MRPS28: variants seen among roughly 807,000 people sequenced by gnomAD.
MRPS28 encodes the protein small ribosomal subunit protein bS1m.
MRPS28 carries 7 observed loss-of-function variants against 10.8 expected under a neutral mutation model. The ratio of observed to expected loss-of-function variants is 0.65; its 90% CI spans 0.37 to 1.22. The LOEUF (loss-of-function observed/expected upper bound fraction) is 1.22. Among genes scored for constraint, MRPS28 ranks in the 50% most tolerant of loss-of-function variants. The pLI, the probability that MRPS28 is intolerant of heterozygous loss-of-function variation, is 0.02. For missense variants in MRPS28, 265 were observed against 232.9 expected (o/e 1.14, Z -0.90); for synonymous variants, 121 against 93.3 (o/e 1.30, Z -1.71).
chr8:80,029,638 T>C (rs895175787), intron 1 of MRPS28: 11 of 885,542 alleles, frequency 1.2e-5, no homozygotes, highest in Non-Finnish European at 1.7e-5. Context: ...GCAAGCTCCA[T>C]GCTAGAGCTA....
chr8:80,023,943 G>C (rs532269525), intron 1 of MRPS28, among the ~76,000 whole-genome samples: 1 of 152,226 alleles, frequency 6.6e-6, no homozygotes, highest in East Asian at 1.9e-4. Context: ...AAAATGAATG[G>C]GACGGCCTGG....
chr8:80,017,850 A>G (rs1366485354), intron 1 of MRPS28, among the ~76,000 whole-genome samples: 1 of 152,220 alleles, frequency 6.6e-6, no homozygotes, highest in Non-Finnish European at 1.5e-5. Flanking sequence ...GAATATTAGC[A>G]AATCAAATCC....
At chr8:79,954,425 C>T (rs560295152) in intron 2 of MRPS28, among the ~76,000 whole-genome samples, 3 of 152,028 alleles carry the variant, frequency 2.0e-5, no homozygotes, top group Admixed American at 6.6e-5. Flanking sequence ...TATTCTGCAA[C>T]GATTCTGAAA....
At chr8:80,006,690 C>T (rs983577570) in intron 1 of MRPS28, among the ~76,000 whole-genome samples, 1 of 152,046 alleles carries the variant, frequency 6.6e-6, no homozygotes, top group African/African-American at 2.4e-5. Context: ...ATAAATTCCT[C>T]GACACATACA....
At chr8:80,002,759 T>A (rs1348489714) in intron 2 of MRPS28, among the ~76,000 whole-genome samples, 2 of 152,230 alleles carry the variant, frequency 1.3e-5, no homozygotes, top group African/African-American at 4.8e-5. Flanking sequence ...GAATGGCTTA[T>A]TATCAGGATG....
At chr8:80,000,152 T>C (rs567884341) in intron 2 of MRPS28, among the ~76,000 whole-genome samples, 7 of 152,332 alleles carry the variant, frequency 4.6e-5, no homozygotes, top group African/African-American at 7.2e-5. Context: ...CTAGTAAGTA[T>C]TTGTTGAATG....
At chr8:79,983,329 CAG>C (rs1392550714) in intron 2 of MRPS28, among the ~76,000 whole-genome samples, 1 of 152,082 alleles carries the variant, frequency 6.6e-6, no homozygotes, top group Non-Finnish European at 1.5e-5. Flanking sequence ...GGGGAAAAAA[CAG>C]AGCAGAAAAA....
At chr8:79,983,364 C>A (rs538680620) in intron 2 of MRPS28, among the ~76,000 whole-genome samples, 2 of 152,042 alleles carry the variant, frequency 1.3e-5, no homozygotes, top group East Asian at 3.9e-4. Context: ...AAAAGCAGAG[C>A]GCCTCTCCTC....
At chr8:79,933,481 G>A (rs903449013) in intron 2 of MRPS28, among the ~76,000 whole-genome samples, 2 of 152,134 alleles carry the variant, frequency 1.3e-5, no homozygotes, top group Non-Finnish European at 2.9e-5. Flanking sequence ...AATTTTGGGG[G>A]GATAAAACTC....
intron 2 of MRPS28, among the ~76,000 whole-genome samples, chr8:79,986,596 T>C (rs1276997126): frequency 2.0e-5 from 3 of 152,144 alleles, no homozygotes; most frequent in African/African-American, 7.2e-5. Context: ...ACAAAATCAA[T>C]GTGCAAAAAT....
chr8:79,920,736 G>T (rs1222498913), intron 2 of MRPS28, among the ~76,000 whole-genome samples: 2 of 152,138 alleles, frequency 1.3e-5, no homozygotes, highest in Non-Finnish European at 2.9e-5. Flanking sequence ...CATTCTGTAG[G>T]TTACCTCTTC....
At chr8:79,952,963 GAT>G (rs2129976109) in intron 2 of MRPS28, among the ~76,000 whole-genome samples, 1 of 152,276 alleles carries the variant, frequency 6.6e-6, no homozygotes, top group East Asian at 1.9e-4. Flanking sequence ...CATTTTTAGA[GAT>G]AACTTTCAGT....
chr8:80,020,224 C>G (rs1251737762), intron 1 of MRPS28, among the ~76,000 whole-genome samples: 1 of 152,138 alleles, frequency 6.6e-6, no homozygotes, highest in Non-Finnish European at 1.5e-5. Context: ...ATGAAGCGTC[C>G]AGGTAGCAGG....
intron 1 of MRPS28, among the ~76,000 whole-genome samples, chr8:80,027,182 G>C (rs2130258289): frequency 6.6e-6 from 1 of 152,340 alleles, no homozygotes; most frequent in East Asian, 1.9e-4. Context: ...CAGAAGGCTG[G>C]AGAAGAAACG....
intron 1 of MRPS28, among the ~76,000 whole-genome samples, chr8:80,009,622 A>G (rs1808973692): frequency 6.8e-6 from 1 of 146,272 alleles, no homozygotes; most frequent in African/African-American, 2.5e-5. Context: ...CTCAAAAAAG[A>G]AAAAAAAAAG....
intron 1 of MRPS28, among the ~76,000 whole-genome samples, chr8:80,006,371 T>G (rs1808845443): frequency 1.3e-5 from 2 of 152,318 alleles, no homozygotes; most frequent in Non-Finnish European, 2.9e-5. Context: ...AACCTGCTCC[T>G]GAATGACTAC....
intron 2 of MRPS28, among the ~76,000 whole-genome samples, chr8:79,952,036 G>A (rs765932223): frequency 1.3e-4 from 20 of 152,080 alleles, no homozygotes; most frequent in South Asian, 2.1e-4. Flanking sequence ...ACATGACGGC[G>A]CACTTTTAAT....
chr8:80,005,361 A>C (rs11993539), intron 1 of MRPS28, among the ~76,000 whole-genome samples: 16,399 of 151,758 alleles, frequency 0.11, 2,607 homozygotes, highest in African/African-American at 0.36. Context: ...AATTTTCAAC[A>C]CAGAATTTCA....
intron 2 of MRPS28, among the ~76,000 whole-genome samples, chr8:79,973,437 TG>T: frequency 6.6e-6 from 1 of 152,218 alleles, no homozygotes; most frequent in Admixed American, 6.6e-5. Context: ...GAGGCTGAGG[TG>T]GGAGAATCCC....
Sources: gnomAD v4.1 joint callset for allele counts (sites outside exome capture counted in the v4.1 genomes callset) on GRCh38, gnomAD v4.1.1 for gene constraint, MANE v1.5 for transcripts, NCBI Gene and HGNC (gene_info 2026-07-23, HGNC 2026-07-21) for gene names.